Variants in HMCN2 observed in about 807,000 individuals in gnomAD.
HMCN2 encodes hemicentin 2.
HMCN2 carries 325 observed loss-of-function variants against 377.5 expected under a neutral mutation model. The ratio of observed to expected loss-of-function variants is 0.86; its 90% CI spans 0.79 to 0.94. The LOEUF is 0.94. Ranked by LOEUF, HMCN2 falls within the 40% of genes least tolerant of loss-of-function variation. HMCN2 has a pLI of 0.00. For synonymous variants in HMCN2, 2,007 were observed against 2,046.8 expected, an observed-to-expected ratio of 0.98 and a Z score of 0.53; for missense variants, 4,543 against 4,725.3, an observed-to-expected ratio of 0.96 and a Z score of 1.13.
Position 130,393,203 on chromosome 9 carries a change from G to A in HMCN2, c.10137-9G>A. 1 of 987,964 alleles carries A rather than the reference G, an allele frequency of 1.0e-6. No individual in the cohort carries two copies. The highest frequency in any genetic ancestry group is 1.2e-6 in the Non-Finnish European group (1 of 830,124). The allele number at this position is 987,964 out of a possible 1,614,324, so 61.2% of individuals were successfully genotyped here. On this transcript the variant is annotated splice_polypyrimidine_tract_variant and intron_variant, in intron 66 of 97. Coordinates refer to ENST00000683500, the MANE Select transcript of HMCN2 (RefSeq NM_001291815.2). This position sits in a 1 kb window ranked among gnomAD's most constrained non-coding sequence, Gnocchi z 5.2. ...TGTCTCCTTCTCCCTCTCCTCTCGG[G>A]GGATTCAGGATTTCCAAGGTGCAAT...
intron 41 of HMCN2, 111 bp downstream of exon 41, chr9:130,365,000 T>A: frequency 1.1e-5 from 7 of 622,130 alleles, no homozygotes; most frequent in Non-Finnish European, 1.4e-5. Context: ...CCTCAGGGGA[T>A]GGAGGACAAA....
intron 77 of HMCN2, among the ~76,000 whole-genome samples, chr9:130,401,539 T>C (rs1276654067): frequency 6.6e-6 from 1 of 152,102 alleles, no homozygotes; most frequent in East Asian, 1.9e-4. Context: ...GCCAGGCTGG[T>C]CTTGAACTCC....
At chr9:130,348,834 T>C in intron 27 of HMCN2, 150 bp from the exon 28 acceptor site, 2 of 1,213,244 alleles carry the variant, frequency 1.6e-6, no homozygotes, top group Non-Finnish European at 2.1e-6. Flanking sequence ...ATAGTGGTCA[T>C]GTAGTGAAGC....
chr9:130,287,691 G>A (rs1297200858), intron 4 of HMCN2, among the ~76,000 whole-genome samples: 7 of 152,124 alleles, frequency 4.6e-5, no homozygotes, highest in African/African-American at 1.7e-4. Context: ...CCAGGGACTG[G>A]GCTGTGAGTC....
intron 22 of HMCN2, among the ~76,000 whole-genome samples, chr9:130,329,689 C>T (rs1363923539): frequency 2.0e-5 from 3 of 151,960 alleles, no homozygotes; most frequent in Non-Finnish European, 2.9e-5. Flanking sequence ...GTGGTCCACC[C>T]GCCTCGGTCT....
At position 130,374,576 on chromosome 9, in the gene HMCN2, C is replaced by T; in HGVS notation, c.7513C>T (p.Pro2505Ser). 1 of 985,778 alleles carries T rather than the reference C, an allele frequency of 1.0e-6. No homozygotes were observed. Among genetic ancestry groups the T allele is most frequent in the Non-Finnish European group, 1.2e-6 (1 of 829,972 alleles). The allele number at this position is 985,778 out of a possible 1,614,324, so 61.1% of individuals were successfully genotyped here. A position where few individuals can be genotyped will look rare whatever the true frequency, so the allele number is the denominator to read the frequency against. ...TAGGGGAGATGCTCACCACATCTCC[C>T]CAGACGGAGTCCTCCTGCAGGTCCT... is the stretch of plus-strand genomic sequence containing the variant. ...LARGDAHHIS[P>S]DGVLLQVLQA... Residue 2505 changes from proline (P) to serine (S), a missense_variant, in exon 49 of 98, where the codon CCA becomes TCA. Pro to Ser is a moderately conservative substitution (Grantham distance 74). This residue lies in a region of HMCN2 where 736 missense variants were observed against 773.2 expected (regional missense o/e 0.95). Transcript: ENST00000683500.
At position 130,428,212 on chromosome 9, in the gene HMCN2, G is replaced by A. The variant is rs1588448195; in HGVS notation, c.14066-146G>A. The A allele has an allele frequency of 1.1e-6, 1 of 929,244 alleles. No homozygotes were observed. Among genetic ancestry groups the A allele is most frequent in the Non-Finnish European group, 1.5e-6 (1 of 652,738 alleles). The allele number at this position is 929,244 out of a possible 1,614,324, so 57.6% of individuals were successfully genotyped here. On this transcript the variant is annotated intron_variant, in intron 92 of 97. Coordinates refer to ENST00000683500, the MANE Select transcript of HMCN2 (RefSeq NM_001291815.2). This position sits in a 1 kb window ranked among gnomAD's most constrained non-coding sequence, Gnocchi z 5.0. ...GGGATAGGGAGCAAGACAATGGAAA[G>A]AGCTAGCAGAAGGGGTGGGGACCTT...
chr9:130,384,206 CCTT>C (rs1841890873), intron 57 of HMCN2, among the ~76,000 whole-genome samples, 164 bp from the exon 58 acceptor site: 1 of 152,222 alleles, frequency 6.6e-6, no homozygotes, highest in African/African-American at 2.4e-5. Flanking sequence ...TACCCAGTGT[CCTT>C]CTGTGTAAGA....
chr9:130,384,768 G>C lies in HMCN2; in HGVS notation c.9076G>C (p.Asp3026His). The C allele has an allele frequency of 7.7e-7, 1 of 1,303,486 alleles. No homozygotes were observed. The highest frequency in any genetic ancestry group is 1.0e-6 in the Non-Finnish European group (1 of 988,946). 80.7% of individuals were successfully genotyped at this position (1,303,486 alleles called of 1,614,324 possible). Residue 3026 changes from aspartate to histidine, a missense_variant, in exon 59 of 98, where the codon GAC (aspartate) becomes CAC (histidine). Asp to His is a moderately conservative substitution (Grantham distance 81). Coordinates refer to ENST00000683500, the MANE Select transcript of HMCN2 (RefSeq NM_001291815.2). ...TCEALNAAGR[D>H]QKLVQLSVLV... is the part of the protein sequence containing the mutation. ...CGAAGCCCTCAATGCTGCCGGCCGA[G>C]ACCAGAAGCTGGTGCAGCTCAGTGT...
At chr9:130,402,740 T>G (rs1362203106) in intron 77 of HMCN2, 49 bp from the exon 78 acceptor site, 2 of 1,184,958 alleles carry the variant, frequency 1.7e-6, no homozygotes, top group African/African-American at 1.6e-5. Context: ...GCCACCTCCA[T>G]CCCTGGGGAC....
chr9:130,403,467 G>A (rs759147083), intron 79 of HMCN2, 139 bp downstream of exon 79: 16 of 980,802 alleles, frequency 1.6e-5, no homozygotes, highest in South Asian at 8.1e-5. Context: ...GCCCAGATAC[G>A]CCCCCACCCT....
At position 130,394,535 on chromosome 9, in the gene HMCN2, ACAG is replaced by A; in HGVS notation, c.10656_10658del (p.Ser3552del). On this transcript the variant is annotated inframe_deletion, in exon 69 of 98. Coordinates refer to ENST00000683500, the MANE Select transcript of HMCN2 (RefSeq NM_001291815.2). This position sits in a 1 kb window ranked among gnomAD's most constrained non-coding sequence, Gnocchi z 5.1. ...CAGGCCCTGACCAGGCTGGAGAACA[ACAG>A]CAGAGCCACACGGGTGCTCCGGGTG... is the stretch of plus-strand genomic sequence containing the variant. 1 of 1,289,622 alleles carries A rather than the reference ACAG, an allele frequency of 7.8e-7. No homozygotes were observed. Among genetic ancestry groups the A allele is most frequent in the Non-Finnish European group, 1.0e-6 (1 of 988,774 alleles). 79.9% of individuals were successfully genotyped at this position (1,289,622 alleles called of 1,614,324 possible). A position where few individuals can be genotyped will look rare whatever the true frequency, so the allele number is the denominator to read the frequency against.
intron 84 of HMCN2, 76 bp downstream of exon 84, chr9:130,409,009 C>G: frequency 9.9e-7 from 1 of 1,008,120 alleles, no homozygotes; most frequent in Non-Finnish European, 1.3e-6. Flanking sequence ...CAAGAGGGTT[C>G]TTCCTATTGC....
chr9:130,348,504 G>A (rs749275908), intron 26 of HMCN2, 41 bp from the exon 27 acceptor site: 42 of 1,297,890 alleles, frequency 3.2e-5, no homozygotes, highest in Non-Finnish European at 4.2e-5. Context: ...GTGGCTCTAA[G>A]GGGGCAGGGA....
In HMCN2 at chr9:130,304,755, T is replaced by G. The variant is rs545643098; in HGVS notation, c.1569T>G (p.Ala523=). Residue 523 remains alanine, a synonymous_variant, in exon 11 of 98, where the codon GCT becomes GCG. Coordinates refer to ENST00000683500, the MANE Select transcript of HMCN2 (RefSeq NM_001291815.2). The surrounding 1 kb of genome is among the most constrained non-coding windows in gnomAD (Gnocchi z 4.3). ...ACCCCCCGCCGCAGCTGGTCCCTGC[T>G]CCCAACGTGACCGTGTCCCCAGGGG... ...VTDPPPQLVP[A]PNVTVSPGET... is the part of the protein sequence containing the mutation. 430 of 469,474 alleles carry G rather than the reference T, an allele frequency of 9.2e-4. 2 individuals are homozygous for G. The highest frequency in any genetic ancestry group is 8.0e-3 in the African/African-American group (402 of 50,144). The allele number at this position is 469,474 out of a possible 1,614,324, so 29.1% of individuals were successfully genotyped here.
intron 15 of HMCN2, among the ~76,000 whole-genome samples, chr9:130,315,215 CCCT>C (rs1564777411): frequency 4.2e-4 from 1 of 2,358 alleles, no homozygotes. Flanking sequence ...CCCCTCCCCT[CCCT>C]CCCCTCCCCT....
intron 57 of HMCN2, 66 bp from the exon 58 acceptor site, chr9:130,384,306 TG>T: frequency 8.2e-7 from 1 of 1,214,958 alleles, no homozygotes. Flanking sequence ...GGGTTTCTCT[TG>T]GGCTCTGTGC....
intron 79 of HMCN2, among the ~76,000 whole-genome samples, 195 bp downstream of exon 79, chr9:130,403,523 T>G (rs2131724136): frequency 6.6e-6 from 1 of 152,244 alleles, no homozygotes; most frequent in Non-Finnish European, 1.5e-5. Context: ...CACCATGGCC[T>G]GAGATGCCAT....
At chr9:130,312,570 T>TTCTTTCTTTCTTTCTC (rs1837319511) in intron 15 of HMCN2, among the ~76,000 whole-genome samples, 1 of 79,234 alleles carries the variant, frequency 1.3e-5, no homozygotes, top group Non-Finnish European at 2.5e-5. Flanking sequence ...CTTTCTTTCT[T>TTCTTTCTTTCTTTCTC]TCTTTCTTTC....
Sources: allele counts gnomAD v4.1 joint callset (sites outside exome capture counted in the v4.1 genomes callset), GRCh38; gene constraint gnomAD v4.1.1; regional missense constraint gnomAD v4.1.1; non-coding constraint Gnocchi (gnomAD v3.1); transcripts MANE v1.5; gene names NCBI Gene and HGNC (gene_info 2026-07-23, HGNC 2026-07-21).